Variants in PTK2 observed in about 807,000 individuals in gnomAD.
The protein encoded by PTK2 is focal adhesion kinase 1.
In PTK2, 45 loss-of-function variants were observed where a neutral mutation model predicts 150.1. The ratio of observed to expected loss-of-function variants is 0.30; its 90% confidence interval spans 0.24 to 0.38. The LOEUF (loss-of-function observed/expected upper bound fraction) is 0.38. Among genes scored for constraint, PTK2 ranks in the 10% least tolerant of loss-of-function variants. The pLI, the probability that PTK2 is intolerant of heterozygous loss-of-function variation, is 1.00. For synonymous variants in PTK2, 432 were observed against 449.2 expected, an observed-to-expected ratio of 0.96 and a Z score of 0.48; for missense variants, 919 against 1,307.3, an observed-to-expected ratio of 0.70 and a Z score of 4.58.
chr8:140,741,454 CA>C (rs1229663935), intron 20 of PTK2, among the ~76,000 whole-genome samples: 12 of 120,444 alleles, frequency 1.0e-4, no homozygotes, highest in East Asian at 4.5e-4. Context: ...GACTCTGTCT[CA>C]AAAAAAAAAT....
intron 17 of PTK2, among the ~76,000 whole-genome samples, chr8:140,751,116 T>C (rs548328148): frequency 2.6e-4 from 40 of 152,152 alleles, no homozygotes; most frequent in African/African-American, 8.7e-4. Flanking sequence ...TAAAGTCACC[T>C]GGGAAGCCGT....
exon 32 of PTK2, chr8:140,659,599 A>G (rs778949241): frequency 1.9e-6 from 3 of 1,614,212 alleles, no homozygotes; most frequent in Non-Finnish European, 8.5e-7. Context: ...GAGGCTGGTC[A>G]TGACATACTG....
At chr8:140,907,635 C>T (rs1195849720) in intron 2 of PTK2, among the ~76,000 whole-genome samples, 2 of 152,148 alleles carry the variant, frequency 1.3e-5, no homozygotes, top group Non-Finnish European at 2.9e-5. Context: ...ATCATTTTCC[C>T]AACAGCATAT....
chr8:140,674,545 G>T lies in PTK2; in HGVS notation c.2603-141C>A. The stretch of plus-strand genomic sequence containing the variant: ...ACCTGAGGTCAGGAATTCGAGATCA[G>T]CCTGACCAACATGGAGAAACCCCAT... On this transcript the variant is annotated intron_variant, in intron 28 of 31. Coordinates refer to ENST00000522684, the Ensembl canonical transcript of PTK2. 5.8e-6 allele frequency: 4 copies of T among 687,828 alleles called. No individual in the cohort carries two copies. The South Asian group carries it at 6.9e-5, about 12-fold the overall frequency. The allele number at this position is 687,828 out of a possible 1,614,324, so 42.6% of individuals were successfully genotyped here. A position where few individuals can be genotyped will look rare whatever the true frequency, so the allele number is the denominator to read the frequency against.
chr8:140,789,429 C>T (rs762320235), intron 14 of PTK2, 45 bp downstream of exon 14: 2 of 1,593,236 alleles, frequency 1.3e-6, no homozygotes, highest in African/African-American at 1.3e-5. Flanking sequence ...GATCGTCTTA[C>T]CCCATGAGAG....
At chr8:140,742,334 T>C (rs2100056216) in intron 20 of PTK2, among the ~76,000 whole-genome samples, 1 of 152,236 alleles carries the variant, frequency 6.6e-6, no homozygotes, top group Non-Finnish European at 1.5e-5. Context: ...CAAATACAAC[T>C]GCAATGAACA....
At chr8:140,783,073 T>C (rs985958964) in intron 14 of PTK2, among the ~76,000 whole-genome samples, 4 of 151,726 alleles carry the variant, frequency 2.6e-5, no homozygotes, top group African/African-American at 4.8e-5. Context: ...ACCCCGTCTC[T>C]ACAAAAAAAA....
chr8:140,999,838 T>C (rs2100199292), intron 1 of PTK2, among the ~76,000 whole-genome samples: 1 of 152,088 alleles, frequency 6.6e-6, no homozygotes, highest in Admixed American at 6.6e-5. Context: ...GTAAAAATCC[T>C]AGCGATGGTT....
intron 16 of PTK2, among the ~76,000 whole-genome samples, chr8:140,756,374 C>A (rs899833414): frequency 6.6e-6 from 1 of 151,126 alleles, no homozygotes; most frequent in Admixed American, 6.6e-5. Flanking sequence ...TCCTTGGGGA[C>A]TGGAATTCAT....
chr8:140,816,649 A>G (rs1314162653), intron 10 of PTK2, among the ~76,000 whole-genome samples: 1 of 152,250 alleles, frequency 6.6e-6, no homozygotes, highest in Non-Finnish European at 1.5e-5. Context: ...ACATGATATG[A>G]GCAGTTAATT....
chr8:140,712,674 T>C (rs761042913), intron 23 of PTK2, among the ~76,000 whole-genome samples: 2 of 152,212 alleles, frequency 1.3e-5, no homozygotes, highest in Non-Finnish European at 1.5e-5. Context: ...TACTGAGCTA[T>C]AGAGATCCTC....
At chr8:140,885,413 A>T (rs1009557167) in intron 3 of PTK2, among the ~76,000 whole-genome samples, 2 of 152,226 alleles carry the variant, frequency 1.3e-5, no homozygotes, top group African/African-American at 4.8e-5. Flanking sequence ...CAATAATACC[A>T]TGAAGTACAA....
intron 10 of PTK2, among the ~76,000 whole-genome samples, chr8:140,808,975 C>A (rs2100099828): frequency 6.6e-6 from 1 of 152,020 alleles, no homozygotes; most frequent in Non-Finnish European, 1.5e-5. Context: ...TCAGGTGATC[C>A]ACCTGCCTCA....
intron 29 of PTK2, among the ~76,000 whole-genome samples, chr8:140,670,566 A>G (rs946216560): frequency 3.3e-5 from 5 of 150,538 alleles, no homozygotes; most frequent in Admixed American, 6.6e-5. Context: ...AAAACAAAAA[A>G]CAAAAGTAGA....
chr8:140,702,972 G>A (rs1187050074), intron 24 of PTK2, among the ~76,000 whole-genome samples: 1 of 152,170 alleles, frequency 6.6e-6, no homozygotes, highest in Non-Finnish European at 1.5e-5. Context: ...AATTACAAGG[G>A]TCCTTAAAAG....
At chr8:140,782,753 G>C (rs923050014) in intron 14 of PTK2, among the ~76,000 whole-genome samples, 1 of 151,774 alleles carries the variant, frequency 6.6e-6, no homozygotes, top group African/African-American at 2.4e-5. Flanking sequence ...TATCAAAATT[G>C]AAACTAGAGT....
Position 140,948,886 on chromosome 8 carries a change from T to C in PTK2, c.-121-23137A>G, listed in dbSNP as rs144729365. On this transcript the variant is annotated intron_variant, in intron 1 of 31. Coordinates refer to ENST00000522684, the Ensembl canonical transcript of PTK2. ...AATCTAGAGATGATTTAAAGTACAG[T>C]TGACCCTTGAACAACATGGATTTGA... Among the ~76,000 whole-genome samples the C allele has an allele frequency of 3.5e-3, 533 of 152,302 alleles. 4 individuals are homozygous for C. The highest frequency in any genetic ancestry group is 0.012 in the African/African-American group (502 of 41,558).
At chr8:140,849,628 C>T (rs573361292) in intron 5 of PTK2, among the ~76,000 whole-genome samples, 2 of 152,200 alleles carry the variant, frequency 1.3e-5, no homozygotes, top group South Asian at 4.1e-4. Context: ...ATTTTATAGC[C>T]TCAGAAAAAG....
chr8:140,928,532 T>C (rs145113984), intron 1 of PTK2, among the ~76,000 whole-genome samples: 338 of 152,292 alleles, frequency 2.2e-3, no homozygotes, highest in Non-Finnish European at 3.5e-3. Flanking sequence ...TTATTCACAA[T>C]AGCCAAAAGG....
Sources: allele counts gnomAD v4.1 joint callset (sites outside exome capture counted in the v4.1 genomes callset), GRCh38; gene constraint gnomAD v4.1.1; transcripts MANE v1.5; gene names NCBI Gene and HGNC (gene_info 2026-07-23, HGNC 2026-07-21).